TBC1D19: variants seen among roughly 807,000 people sequenced by gnomAD.
TBC1D19 encodes TBC1 domain family member 19.
Under a neutral mutation model 89.0 loss-of-function variants are expected in TBC1D19, and 60 were observed. That is an observed-to-expected ratio of 0.67 (90% CI 0.55 to 0.84). The LOEUF is 0.84. Among genes scored for constraint, TBC1D19 ranks in the 40% least tolerant of loss-of-function variants. The probability of loss-of-function intolerance (pLI) is 0.00; values close to 1 mark genes in which losing one functional copy is unlikely to be tolerated. For missense variants in TBC1D19, 500 were observed against 610.8 expected, an observed-to-expected ratio of 0.82 and a Z score of 1.91; for synonymous variants, 189 against 199.7, an observed-to-expected ratio of 0.95 and a Z score of 0.45.
intron 13 of TBC1D19, among the ~76,000 whole-genome samples, chr4:26,709,126 T>G (rs1408356720): frequency 6.6e-6 from 1 of 151,974 alleles, no homozygotes; most frequent in East Asian, 1.9e-4. Flanking sequence ...TCCCAGCGTT[T>G]TTGTTGTTGT....
chr4:26,659,826 G>A, intron 8 of TBC1D19, 119 bp downstream of exon 8: 1 of 544,260 alleles, frequency 1.8e-6, no homozygotes, highest in South Asian at 4.6e-5. Flanking sequence ...TTAATAAAGT[G>A]ACGTTGATTC....
At position 26,748,452 on chromosome 4, in the gene TBC1D19, G is replaced by T; in HGVS notation, c.1361G>T (p.Gly454Val). The change falls in exon 19 of 21, where the codon GGA (glycine) becomes GTA (valine). Residue 454 changes from glycine (G) to valine (V), a missense_variant. This residue lies in a region of TBC1D19 where 220 missense variants were observed against 319.1 expected (regional missense o/e 0.69). Transcript: ENST00000264866. The stretch of plus-strand genomic sequence containing the variant: ...AAGTGGATGGTTCGAGCTTTCTCTG[G>T]ATACTTAGCTACAGATCAGCTCTTG... ...SFKWMVRAFS[G>V]YLATDQLLLL... 6.2e-7 allele frequency: 1 copy of T among 1,613,870 alleles called. No homozygotes were observed. Among genetic ancestry groups the T allele is most frequent in the South Asian group, 1.1e-5 (1 of 91,066 alleles).
At chr4:26,608,141 A>C (rs1741124341) in intron 1 of TBC1D19, among the ~76,000 whole-genome samples, 1 of 152,234 alleles carries the variant, frequency 6.6e-6, no homozygotes, top group South Asian at 2.1e-4. Flanking sequence ...GATTTATCTC[A>C]AAATAAAAAT....
the TBC1D19 span, among the ~76,000 whole-genome samples, chr4:26,831,592 T>C: frequency 2.1e-4 from 27 of 129,894 alleles, no homozygotes; most frequent in African/African-American, 8.8e-4. Flanking sequence ...TTTTTTTTTC[T>C]TTTTTTTTTT....
At chr4:26,663,383 T>C (rs1034602133) in intron 8 of TBC1D19, among the ~76,000 whole-genome samples, 7 of 152,304 alleles carry the variant, frequency 4.6e-5, no homozygotes, top group Admixed American at 4.6e-4. Context: ...GCTAAAATCC[T>C]CATTTTCCAT....
chr4:26,614,676 A>AT, intron 3 of TBC1D19, among the ~76,000 whole-genome samples: 1 of 151,870 alleles, frequency 6.6e-6, no homozygotes, highest in Non-Finnish European at 1.5e-5. Flanking sequence ...CCACTATTGA[A>AT]TTTTTTTATT....
chr4:26,855,979 G>C, the TBC1D19 span, among the ~76,000 whole-genome samples: 4 of 152,214 alleles, frequency 2.6e-5, no homozygotes, highest in East Asian at 5.8e-4. Context: ...CTTTTTTGTA[G>C]TGACAATGTT....
chr4:26,714,194 A>G (rs1427642206), intron 13 of TBC1D19, among the ~76,000 whole-genome samples: 1 of 152,140 alleles, frequency 6.6e-6, no homozygotes, highest in Non-Finnish European at 1.5e-5. Flanking sequence ...AAAAAAATTA[A>G]AAAGAATGAG....
intron 13 of TBC1D19, among the ~76,000 whole-genome samples, chr4:26,714,070 G>A (rs1716385788): frequency 1.3e-5 from 2 of 152,088 alleles, no homozygotes; most frequent in Admixed American, 6.6e-5. Context: ...AGCGGGTCAA[G>A]CACAGTGGCT....
chr4:26,639,810 G>A lies in TBC1D19; in HGVS notation c.434-331G>A, dbSNP rs548991608. ...TAATACAACTAGAGGAATTCACTAAGAATGCATTGTTTGTATTTTAAGTAC... is the reference window on the plus strand; with the variant it reads ...TAATACAACTAGAGGAATTCACTAAAAATGCATTGTTTGTATTTTAAGTAC... On this transcript the variant is annotated intron_variant, in intron 6 of 20. Coordinates refer to ENST00000264866, the MANE Select transcript of TBC1D19 (RefSeq NM_018317.4). Among the ~76,000 whole-genome samples the A allele has an allele frequency of 2.0e-5, 3 of 152,274 alleles. No homozygotes were observed. The South Asian group carries it at 6.2e-4, about 32-fold the overall frequency.
the TBC1D19 span, among the ~76,000 whole-genome samples, chr4:26,789,495 C>G: frequency 6.6e-6 from 1 of 152,262 alleles, no homozygotes; most frequent in East Asian, 1.9e-4. Context: ...CAAATGAAAA[C>G]CACAGTGAGA....
chr4:26,849,716 T>C, the TBC1D19 span, among the ~76,000 whole-genome samples: 2 of 152,204 alleles, frequency 1.3e-5, no homozygotes, highest in Non-Finnish European at 2.9e-5. Context: ...AGCTTTCATT[T>C]CAAATTATCA....
chr4:26,592,492 A>C (rs184066147), intron 1 of TBC1D19, among the ~76,000 whole-genome samples: 76 of 152,184 alleles, frequency 5.0e-4, no homozygotes, highest in Admixed American at 7.8e-4. Flanking sequence ...GGCCAGGGCA[A>C]TCAGGCAGGT....
chr4:26,745,045 T>G (rs1310974389), intron 18 of TBC1D19, among the ~76,000 whole-genome samples: 2 of 152,120 alleles, frequency 1.3e-5, no homozygotes, highest in African/African-American at 4.8e-5. Context: ...GGATGCTTTG[T>G]TTTTAGGAGA....
chr4:26,657,048 CTCTTCTTG>C (rs1560451771), intron 7 of TBC1D19, among the ~76,000 whole-genome samples: 6 of 94,696 alleles, frequency 6.3e-5, no homozygotes, highest in South Asian at 4.1e-4. Context: ...TTTCTTCTTC[CTCTTCTTG>C]TTCTTCTTCT....
chr4:26,733,060 A>T (rs950617806), intron 15 of TBC1D19, among the ~76,000 whole-genome samples: 6 of 152,216 alleles, frequency 3.9e-5, no homozygotes, highest in Non-Finnish European at 7.3e-5. Flanking sequence ...CAGAAGTTGG[A>T]GAACATGAAT....
chr4:26,733,859 T>C (rs1016130715), intron 15 of TBC1D19, among the ~76,000 whole-genome samples: 4 of 152,100 alleles, frequency 2.6e-5, no homozygotes, highest in South Asian at 2.1e-4. Flanking sequence ...GTTGGGTGTG[T>C]AGGGAGGGAA....
At chr4:26,646,136 A>G (rs1201825338) in intron 7 of TBC1D19, among the ~76,000 whole-genome samples, 1 of 151,078 alleles carries the variant, frequency 6.6e-6, no homozygotes, top group Non-Finnish European at 1.5e-5. Flanking sequence ...AAAAAAAAAA[A>G]AAAAAAAAGT....
intron 13 of TBC1D19, among the ~76,000 whole-genome samples, chr4:26,700,916 T>C (rs1031643753): frequency 6.6e-6 from 1 of 152,208 alleles, no homozygotes; most frequent in African/African-American, 2.4e-5. Flanking sequence ...AATCAATTCA[T>C]GTCACTTGTT....
Sources: allele counts gnomAD v4.1 joint callset (sites outside exome capture counted in the v4.1 genomes callset), GRCh38; gene constraint gnomAD v4.1.1; regional missense constraint gnomAD v4.1.1; transcripts MANE v1.5; gene names NCBI Gene and HGNC (gene_info 2026-07-23, HGNC 2026-07-21).